AFF4: variants seen among roughly 807,000 people sequenced by gnomAD.
AFF4 encodes the protein ALF transcription elongation factor 4, also known as AF4/FMR2 family member 4.
In AFF4, 13 loss-of-function variants were observed where a neutral mutation model predicts 124.8. The observed-to-expected ratio is 0.10, with a 90% CI of 0.07 to 0.17. The LOEUF is 0.17. AFF4 is among the 10% of genes least tolerant of loss of function. AFF4 has a pLI of 1.00. For missense variants in AFF4, 1,092 were observed against 1,403.8 expected (o/e 0.78, Z 3.55); for synonymous variants, 477 against 496.1 (o/e 0.96, Z 0.51).
intron 1 of AFF4, among the ~76,000 whole-genome samples, chr5:132,950,649 AAAAAT>A (rs1244456100): frequency 6.6e-6 from 1 of 152,188 alleles, no homozygotes; most frequent in Non-Finnish European, 1.5e-5. Context: ...ACTCCATGTC[AAAAAT>A]AAAATAAAAT....
intron 19 of AFF4, 26 bp downstream of exon 19, chr5:132,885,050 A>T (rs1309148622): frequency 6.4e-7 from 1 of 1,560,998 alleles, no homozygotes; most frequent in Non-Finnish European, 8.7e-7. Context: ...CCACAATAAT[A>T]TTTTACATAA....
intron 6 of AFF4, among the ~76,000 whole-genome samples, chr5:132,903,704 A>T (rs1344234730): frequency 6.6e-6 from 1 of 152,206 alleles, no homozygotes; most frequent in African/African-American, 2.4e-5. Context: ...TAAGAAGAAA[A>T]GGGCCATGGT....
In AFF4 at chr5:132,953,070, A is replaced by C. The variant is rs927966116; in HGVS notation, c.-5+10189T>G. On this transcript the variant is annotated intron_variant, in intron 1 of 20. Transcript: ENST00000265343. Reference sequence around the variant, plus strand: ...CAGGGCTAGGCACTACCATGCCTGTAATCTCAGCACTTTGGGAGGGCAAGG... The same window carrying C: ...CAGGGCTAGGCACTACCATGCCTGTCATCTCAGCACTTTGGGAGGGCAAGG... Among the ~76,000 whole-genome samples, 18 of 151,970 alleles carry C rather than the reference A, an allele frequency of 1.2e-4. 1 individual carries two copies. Among genetic ancestry groups the C allele is most frequent in the Non-Finnish European group, 2.6e-4 (18 of 68,010 alleles).
chr5:132,933,397 C>CA (rs1247209943), intron 3 of AFF4, among the ~76,000 whole-genome samples: 3,668 of 115,506 alleles, frequency 0.032, 122 homozygotes, highest in Admixed American at 0.095. Context: ...AACTCCAACT[C>CA]AAAAAAAAAA....
chr5:132,901,123 C>A, intron 7 of AFF4: 1 of 985,412 alleles, frequency 1.0e-6, no homozygotes, highest in Non-Finnish European at 1.2e-6. Flanking sequence ...ATCTCTACGA[C>A]TGATTTTCCT....
Position 132,889,206 on chromosome 5 carries a change from C to G in AFF4, c.2638-33G>C, listed in dbSNP as rs529074062. The G allele has an allele frequency of 4.1e-6, 6 of 1,464,658 alleles. No individual in the cohort carries two copies. The African/African-American group carries it at 5.6e-5, about 14-fold the overall frequency. The allele number at this position is 1,464,658 out of a possible 1,614,324, so 90.7% of individuals were successfully genotyped here. On this transcript the variant is annotated intron_variant, in intron 13 of 20. Coordinates refer to ENST00000265343, the MANE Select transcript of AFF4 (RefSeq NM_014423.4). ...AAAAAATATATAACTACAATGAAAA[C>G]CGTAAGGAGATTAAAAATGAAACTA... is the stretch of plus-strand genomic sequence containing the variant.
In AFF4 at chr5:132,934,400, G is replaced by T; in HGVS notation, c.665C>A (p.Ser222Tyr). Residue 222 changes from serine to tyrosine, a missense_variant, in exon 3 of 21, where the codon TCT becomes TAT. Physicochemically the swap from Ser to Tyr is moderately radical, Grantham distance 144. Transcript: ENST00000265343. ...ACTTGAAAAAGGTACACGGGAAGGA[G>T]AATCCCAGTTTGCATCAGGGTCCCG... ...SPRDPDANWD[S>Y]PSRVPFSSGQ... is the part of the protein sequence containing the mutation. 6.2e-7 allele frequency: 1 copy of T among 1,614,112 alleles called. No homozygotes were observed. Among genetic ancestry groups the T allele is most frequent in the South Asian group, 1.1e-5 (1 of 91,070 alleles).
At chr5:132,944,292 G>GCGGAGC (rs1489618284) in intron 1 of AFF4, among the ~76,000 whole-genome samples, 16,905 of 151,414 alleles carry the variant, frequency 0.11, 1,232 homozygotes, top group South Asian at 0.18. Context: ...AGCCGAGATC[G>GCGGAGC]TGCCGCTGCA....
intron 17 of AFF4, among the ~76,000 whole-genome samples, 172 bp from the exon 18 acceptor site, chr5:132,886,575 G>A (rs1760124640): frequency 6.6e-6 from 1 of 152,196 alleles, no homozygotes; most frequent in Admixed American, 6.5e-5. Flanking sequence ...ACACATCCTA[G>A]GGAGGGGAAG....
intron 12 of AFF4, 29 bp downstream of exon 12, chr5:132,893,001 C>A: frequency 1.3e-6 from 2 of 1,598,048 alleles, no homozygotes; most frequent in Non-Finnish European, 1.7e-6. Context: ...ATTAACAACA[C>A]TGGCATGCAA....
At chr5:132,909,271 A>G (rs1433365117) in intron 5 of AFF4, among the ~76,000 whole-genome samples, 1 of 151,574 alleles carries the variant, frequency 6.6e-6, no homozygotes, top group Non-Finnish European at 1.5e-5. Context: ...CAGCCTCCCA[A>G]GTAGCTGGGA....
intron 5 of AFF4, among the ~76,000 whole-genome samples, chr5:132,926,538 CTTT>C (rs371859220): frequency 2.2e-5 from 3 of 138,056 alleles, no homozygotes; most frequent in Non-Finnish European, 1.6e-5. Flanking sequence ...ATACCACTGT[CTTT>C]TTTTTTTTTT....
intron 5 of AFF4, among the ~76,000 whole-genome samples, chr5:132,907,435 C>G (rs1002657215): frequency 6.6e-6 from 1 of 152,164 alleles, no homozygotes; most frequent in Non-Finnish European, 1.5e-5. Flanking sequence ...CAAAAACTGA[C>G]AAGGGCCCTG....
chr5:132,936,125 G>C (rs2150099991), intron 2 of AFF4, among the ~76,000 whole-genome samples: 1 of 151,554 alleles, frequency 6.6e-6, no homozygotes, highest in Non-Finnish European at 1.5e-5. Context: ...AAATTAGCCG[G>C]GCATGGTGGC....
intron 3 of AFF4, among the ~76,000 whole-genome samples, chr5:132,933,795 G>C (rs1018092644): frequency 6.6e-6 from 1 of 151,308 alleles, no homozygotes; most frequent in African/African-American, 2.5e-5. Flanking sequence ...TCTAAGCATA[G>C]AAAAGTTAAT....
chr5:132,930,301 A>G (rs1047168750), intron 4 of AFF4, among the ~76,000 whole-genome samples: 2 of 152,250 alleles, frequency 1.3e-5, no homozygotes, highest in Non-Finnish European at 2.9e-5. Context: ...CACTTAAGAA[A>G]CAAGAGAAGG....
At chr5:132,927,357 G>GCTTAA in intron 4 of AFF4, 150 bp from the exon 5 acceptor site, 1 of 639,748 alleles carries the variant, frequency 1.6e-6, no homozygotes, top group Non-Finnish European at 2.7e-6. Flanking sequence ...GCACAATTGT[G>GCTTAA]TGCTAGGCAC....
chr5:132,885,238 A>G (rs1477834825), intron 18 of AFF4, 119 bp from the exon 19 acceptor site: 1 of 592,962 alleles, frequency 1.7e-6, no homozygotes, highest in Admixed American at 3.9e-5. Context: ...AATATTTAAG[A>G]CACCAAAATA....
At chr5:132,949,292 CT>C (rs984011112) in intron 1 of AFF4, among the ~76,000 whole-genome samples, 3 of 151,356 alleles carry the variant, frequency 2.0e-5, no homozygotes, top group Non-Finnish European at 2.9e-5. Flanking sequence ...AGCAATCCCC[CT>C]GCCACAGCCT....
Sources: gnomAD v4.1 joint callset for allele counts (sites outside exome capture counted in the v4.1 genomes callset) on GRCh38, gnomAD v4.1.1 for gene constraint, MANE v1.5 for transcripts, NCBI Gene and HGNC (gene_info 2026-07-23, HGNC 2026-07-21) for gene names.